The following PTBP3 variants were observed in gnomAD, a reference collection of about 807,000 sequenced individuals.
The protein encoded by PTBP3 is polypyrimidine tract-binding protein 3.
Under a neutral mutation model 58.7 loss-of-function variants are expected in PTBP3, and 20 were observed. The ratio of observed to expected loss-of-function variants is 0.34; its 90% CI spans 0.24 to 0.50. PTBP3 has a LOEUF of 0.50. Ranked by LOEUF, PTBP3 falls within the 20% of genes least tolerant of loss-of-function variation. The probability of loss-of-function intolerance (pLI) is 0.98; values close to 1 mark genes in which losing one functional copy is unlikely to be tolerated. For missense variants in PTBP3, 509 were observed against 637.2 expected, an observed-to-expected ratio of 0.80 and a Z score of 2.17; for synonymous variants, 185 against 219.8, an observed-to-expected ratio of 0.84 and a Z score of 1.40.
intron 1 of PTBP3, among the ~76,000 whole-genome samples, chr9:112,308,595 C>T (rs1266307281): frequency 6.6e-6 from 1 of 151,888 alleles, no homozygotes; most frequent in Non-Finnish European, 1.5e-5. Flanking sequence ...AGAATGAAGA[C>T]ATTTTTAAAA....
the PTBP3 span, among the ~76,000 whole-genome samples, chr9:112,373,732 T>C: frequency 6.6e-6 from 1 of 152,170 alleles, no homozygotes; most frequent in African/African-American, 2.4e-5. Context: ...AATACTTAAA[T>C]GCTGACATGA....
chr9:112,238,592 A>C (rs1564396762), intron 7 of PTBP3, among the ~76,000 whole-genome samples: 2 of 152,186 alleles, frequency 1.3e-5, no homozygotes, highest in Non-Finnish European at 2.9e-5. Context: ...AATTAGAATA[A>C]AAATAAATCC....
chr9:112,342,833 G>A, the PTBP3 span, among the ~76,000 whole-genome samples: 1 of 141,674 alleles, frequency 7.1e-6, no homozygotes, highest in Non-Finnish European at 1.5e-5. Flanking sequence ...AGAGGATCAA[G>A]GACCAAACAA....
rs1340214512 is a variant in PTBP3 at position 112,220,081 on chromosome 9, G to A, written c.*3770C>T. On this transcript the variant is annotated 3_prime_UTR_variant, in exon 14 of 14. Coordinates refer to ENST00000374257, the MANE Select transcript of PTBP3 (RefSeq NM_001163788.4). ...GGAAAGGCTAAGAAAAATGCTTTAC[G>A]CATCGTCACGCTGTCTCTTTTTGGT... 19 of 1,191,102 alleles carry A rather than the reference G, an allele frequency of 1.6e-5. No individual in the cohort carries two copies. The South Asian group carries it at 1.7e-4, about 11-fold the overall frequency. The allele number at this position is 1,191,102 out of a possible 1,614,324, so 73.8% of individuals were successfully genotyped here.
the PTBP3 span, among the ~76,000 whole-genome samples, chr9:112,353,132 C>T: frequency 6.6e-6 from 1 of 152,100 alleles, no homozygotes; most frequent in East Asian, 1.9e-4. Flanking sequence ...AACTCCTGAC[C>T]TCGAGTGATC....
At chr9:112,353,364 TGTGA>T in the PTBP3 span, among the ~76,000 whole-genome samples, 3,603 of 152,066 alleles carry the variant, frequency 0.024, 148 homozygotes, top group African/African-American at 0.082. Context: ...AAGAGACAGC[TGTGA>T]GTAAGGTAGC....
At chr9:112,319,983 A>G (rs1587886641) in intron 1 of PTBP3, among the ~76,000 whole-genome samples, 1 of 152,200 alleles carries the variant, frequency 6.6e-6, no homozygotes, top group East Asian at 1.9e-4. Flanking sequence ...CTGAAATCAT[A>G]GAAGCTGAGA....
At chr9:112,287,989 C>T (rs1828218515) in intron 2 of PTBP3, among the ~76,000 whole-genome samples, 2 of 152,200 alleles carry the variant, frequency 1.3e-5, no homozygotes, top group South Asian at 2.1e-4. Context: ...ATTAGGAGCA[C>T]CAGAATTTGT....
At position 112,314,432 on chromosome 9, in the gene PTBP3, G is replaced by A. The variant is rs373266664; in HGVS notation, c.-51-16516C>T. 1.1e-3 allele frequency among the ~76,000 whole-genome samples: 163 copies of A among 152,206 alleles called. 1 individual carries two copies. Among genetic ancestry groups the A allele is most frequent in the African/African-American group, 3.2e-3 (133 of 41,514 alleles). On this transcript the variant is annotated intron_variant, in intron 1 of 13. Transcript: ENST00000374257. Reference sequence around the variant, plus strand: ...ACAGAACAGCTGGGTGCAGTAGCTCGTGCCTCTAATCCCAGCACTTTGAGA... The same window carrying A: ...ACAGAACAGCTGGGTGCAGTAGCTCATGCCTCTAATCCCAGCACTTTGAGA...
At chr9:112,231,471 G>A (rs1835196748) in intron 9 of PTBP3, 58 bp from the exon 10 acceptor site, 2 of 1,417,022 alleles carry the variant, frequency 1.4e-6, no homozygotes, top group South Asian at 1.3e-5. Flanking sequence ...TTGAAAATAA[G>A]TTTATTTATA....
chr9:112,272,153 C>A (rs1049695727), intron 3 of PTBP3, among the ~76,000 whole-genome samples: 8 of 152,036 alleles, frequency 5.3e-5, no homozygotes, highest in Admixed American at 3.3e-4. Flanking sequence ...ACGTCCACTT[C>A]CTGGGCTCAA....
chr9:112,359,899 ACT>A, the PTBP3 span, among the ~76,000 whole-genome samples: 1 of 152,226 alleles, frequency 6.6e-6, no homozygotes, highest in Admixed American at 6.5e-5. Flanking sequence ...ATGCTTAAAA[ACT>A]ATAAAAATTA....
In PTBP3 at chr9:112,313,034, A is replaced by ACT. The variant is rs528330513; in HGVS notation, c.-51-15120_-51-15119dup. Among the ~76,000 whole-genome samples, 34 of 152,074 alleles carry ACT rather than the reference A, an allele frequency of 2.2e-4. No individual in the cohort carries two copies. The East Asian group carries it at 6.2e-3, about 28-fold the overall frequency. ...ACTCCAGACTGGGTGACAGCAAGAC[A>ACT]CTGTTTCAAAGAAAAAAAAAAGGAA... is the stretch of plus-strand genomic sequence containing the variant. On this transcript the variant is annotated intron_variant, in intron 1 of 13. Transcript: ENST00000374257.
At chr9:112,368,252 C>A in the PTBP3 span, among the ~76,000 whole-genome samples, 4 of 152,192 alleles carry the variant, frequency 2.6e-5, no homozygotes, top group Admixed American at 6.5e-5. Context: ...CTCACTGCAA[C>A]CTTTGTCTCC....
intron 7 of PTBP3, among the ~76,000 whole-genome samples, chr9:112,247,662 C>T (rs906480493): frequency 2.0e-5 from 3 of 152,122 alleles, no homozygotes; most frequent in African/African-American, 7.2e-5. Flanking sequence ...CTACAATGAG[C>T]TATGATCACG....
At chr9:112,317,009 G>A (rs1829732420) in intron 1 of PTBP3, among the ~76,000 whole-genome samples, 1 of 151,068 alleles carries the variant, frequency 6.6e-6, no homozygotes, top group Non-Finnish European at 1.5e-5. Flanking sequence ...GCCAGGAACA[G>A]TGGCTCACGC....
At chr9:112,336,601 G>A (rs545380988), upstream of PTBP3, among the ~76,000 whole-genome samples, 3 of 151,962 alleles carry the variant, frequency 2.0e-5, no homozygotes, top group African/African-American at 7.2e-5. Flanking sequence ...GGGCAACATG[G>A]TGAAACCCTG....
chr9:112,355,290 A>G, the PTBP3 span, among the ~76,000 whole-genome samples: 2 of 152,146 alleles, frequency 1.3e-5, no homozygotes, highest in African/African-American at 4.8e-5. Flanking sequence ...ATGCTCTGAG[A>G]AAGAAATGCA....
intron 5 of PTBP3, among the ~76,000 whole-genome samples, chr9:112,259,156 T>C (rs894810618): frequency 3.3e-5 from 5 of 152,190 alleles, no homozygotes; most frequent in Non-Finnish European, 5.9e-5. Context: ...TTTTGCCATG[T>C]TGCCCAGGCT....
Sources: allele counts gnomAD v4.1 joint callset (sites outside exome capture counted in the v4.1 genomes callset), GRCh38; gene constraint gnomAD v4.1.1; transcripts MANE v1.5; gene names NCBI Gene and HGNC (gene_info 2026-07-23, HGNC 2026-07-21).